The following CNTNAP5 variants were observed in gnomAD, a reference collection of about 807,000 sequenced individuals.
The protein encoded by CNTNAP5 is contactin-associated protein-like 5.
Under a neutral mutation model 150.2 loss-of-function variants are expected in CNTNAP5, and 72 were observed. The observed-to-expected ratio is 0.48, with a 90% CI of 0.40 to 0.58. The LOEUF is 0.58. Among genes scored for constraint, CNTNAP5 ranks in the 20% least tolerant of loss-of-function variants. CNTNAP5 has a pLI of 0.00. For missense variants in CNTNAP5, 1,636 were observed against 1,626.2 expected (o/e 1.01, Z -0.10); for synonymous variants, 672 against 619.8 (o/e 1.08, Z -1.25).
intron 13 of CNTNAP5, among the ~76,000 whole-genome samples, chr2:124,648,939 G>A (rs1353924934): frequency 1.3e-5 from 2 of 152,170 alleles, no homozygotes; most frequent in African/African-American, 4.8e-5. Context: ...CAACAAAGGG[G>A]AAATCATAGA....
At chr2:124,198,737 C>T (rs964972941) in intron 1 of CNTNAP5, among the ~76,000 whole-genome samples, 4 of 151,780 alleles carry the variant, frequency 2.6e-5, no homozygotes, top group Non-Finnish European at 5.9e-5. Flanking sequence ...GTCATAAAGA[C>T]ATTGTCTTAC....
At chr2:124,368,687 A>C (rs988937974) in intron 3 of CNTNAP5, among the ~76,000 whole-genome samples, 1 of 152,180 alleles carries the variant, frequency 6.6e-6, no homozygotes, top group African/African-American at 2.4e-5. Flanking sequence ...CCATGAAAAA[A>C]CAAGATGTAA....
rs1363900794 is a variant in CNTNAP5 at position 124,920,765 on chromosome 2, G to C, written c.*6477G>C. On this transcript the variant is annotated 3_prime_UTR_variant, in exon 24 of 24. Coordinates refer to ENST00000682447, the MANE Select transcript of CNTNAP5 (RefSeq NM_001367498.1). ...TAGGTTACGGTTTGCTGATTCCTAA[G>C]ATAGAGCATTACAGTGTCTGTTTCA... Among the ~76,000 whole-genome samples, 6 of 152,128 alleles carry C rather than the reference G, an allele frequency of 3.9e-5. No homozygotes were observed. The highest frequency in any genetic ancestry group is 1.4e-4 in the African/African-American group (6 of 41,436).
intron 1 of CNTNAP5, among the ~76,000 whole-genome samples, chr2:124,077,001 C>T (rs1273712622): frequency 2.6e-5 from 4 of 152,144 alleles, no homozygotes; most frequent in Non-Finnish European, 5.9e-5. Flanking sequence ...AAAGCTTGAA[C>T]TCTCATTACC....
intron 23 of CNTNAP5, among the ~76,000 whole-genome samples, chr2:124,912,426 G>A (rs1678675939): frequency 6.6e-6 from 1 of 152,058 alleles, no homozygotes; most frequent in African/African-American, 2.4e-5. Flanking sequence ...GAATGAGCCA[G>A]CGAGGAGATG....
chr2:124,816,121 G>C (rs2104663440), intron 19 of CNTNAP5, among the ~76,000 whole-genome samples: 1 of 152,244 alleles, frequency 6.6e-6, no homozygotes, highest in South Asian at 2.1e-4. Flanking sequence ...GGGGAGCTGG[G>C]TTCTTGTATT....
chr2:124,769,243 C>G (rs1302927962), intron 16 of CNTNAP5, among the ~76,000 whole-genome samples: 1 of 152,118 alleles, frequency 6.6e-6, no homozygotes, highest in Non-Finnish European at 1.5e-5. Context: ...CTTCTCATCT[C>G]CTAGGAGCAC....
At chr2:124,445,697 C>T (rs1263524998) in intron 5 of CNTNAP5, among the ~76,000 whole-genome samples, 5 of 152,184 alleles carry the variant, frequency 3.3e-5, no homozygotes, top group African/African-American at 4.8e-5. Context: ...GAATGTCACA[C>T]GGTTGAACAG....
chr2:124,025,852 A>T (rs1224889685), intron 1 of CNTNAP5, 120 bp downstream of exon 1: 1 of 872,912 alleles, frequency 1.1e-6, no homozygotes, highest in Non-Finnish European at 1.9e-6. Flanking sequence ...CGGAAAAAAA[A>T]TGCTGATCAG....
At chr2:124,227,341 C>T (rs1488761712) in intron 2 of CNTNAP5, among the ~76,000 whole-genome samples, 1 of 152,018 alleles carries the variant, frequency 6.6e-6, no homozygotes, top group Non-Finnish European at 1.5e-5. Flanking sequence ...GGTGAACCTG[C>T]CTCCTTCAGA....
chr2:124,393,779 T>G (rs1490842178), intron 3 of CNTNAP5, among the ~76,000 whole-genome samples: 1 of 152,212 alleles, frequency 6.6e-6, no homozygotes, highest in East Asian at 1.9e-4. Context: ...GACATCTCAT[T>G]GTGTCAGGCT....
intron 19 of CNTNAP5, among the ~76,000 whole-genome samples, chr2:124,823,942 G>A (rs888902115): frequency 6.7e-6 from 1 of 150,306 alleles, no homozygotes; most frequent in African/African-American, 2.5e-5. Context: ...TTTTGAGACG[G>A]AGTTTTACTC....
intron 3 of CNTNAP5, among the ~76,000 whole-genome samples, chr2:124,281,103 C>A (rs1380272181): frequency 7.2e-5 from 11 of 151,932 alleles, no homozygotes; most frequent in African/African-American, 2.7e-4. Context: ...AACACTCCAG[C>A]AATGAGGGGA....
rs13011184 is a variant in CNTNAP5 at position 124,331,691 on chromosome 2, A to G, written c.382-85752A>G. On this transcript the variant is annotated intron_variant, in intron 3 of 23. Coordinates refer to ENST00000682447, the MANE Select transcript of CNTNAP5 (RefSeq NM_001367498.1). Reference sequence around the variant, plus strand: ...ACCAGAATTAGAATTAAAAGGCTCAAAAGAAAATACAAGATGTTAAATAGA... The same window carrying G: ...ACCAGAATTAGAATTAAAAGGCTCAGAAGAAAATACAAGATGTTAAATAGA... Among the ~76,000 whole-genome samples, 1,476 of 152,112 alleles carry G rather than the reference A, an allele frequency of 9.7e-3. 14 individuals carry two copies. The highest frequency in any genetic ancestry group is 0.017 in the Admixed American group (260 of 15,270).
At chr2:124,590,744 C>G (rs1034330604) in intron 11 of CNTNAP5, among the ~76,000 whole-genome samples, 1 of 152,098 alleles carries the variant, frequency 6.6e-6, no homozygotes, top group Non-Finnish European at 1.5e-5. Context: ...AGGACTGATA[C>G]ATTTTTAAGG....
chr2:124,820,607 G>T (rs1424571094), intron 19 of CNTNAP5, among the ~76,000 whole-genome samples: 1 of 150,610 alleles, frequency 6.6e-6, no homozygotes, highest in African/African-American at 2.5e-5. Context: ...TATCAGTGGA[G>T]TTCTTGTATC....
intron 11 of CNTNAP5, among the ~76,000 whole-genome samples, chr2:124,588,496 G>T (rs1407781440): frequency 6.6e-6 from 1 of 151,894 alleles, no homozygotes; most frequent in African/African-American, 2.4e-5. Context: ...CACTGAGAAG[G>T]TTCAAGCCTT....
chr2:124,162,997 C>G (rs977981627), intron 1 of CNTNAP5, among the ~76,000 whole-genome samples: 10 of 152,040 alleles, frequency 6.6e-5, no homozygotes, highest in Admixed American at 1.3e-4. Flanking sequence ...AAAAAGGGGA[C>G]CTCAAGTTTC....
intron 3 of CNTNAP5, among the ~76,000 whole-genome samples, chr2:124,370,925 G>A (rs918160662): frequency 6.6e-6 from 1 of 152,082 alleles, no homozygotes; most frequent in African/African-American, 2.4e-5. Flanking sequence ...GTTTTGTTTT[G>A]TTTTAGAGTA....
Sources: gnomAD v4.1 joint callset for allele counts (sites outside exome capture counted in the v4.1 genomes callset) on GRCh38, gnomAD v4.1.1 for gene constraint, MANE v1.5 for transcripts, NCBI Gene and HGNC (gene_info 2026-07-23, HGNC 2026-07-21) for gene names.